The following ZNF184 variants were observed in gnomAD, a reference collection of about 807,000 sequenced individuals.
ZNF184 encodes the protein zinc finger protein 184 (Kruppel-like).
In ZNF184, 16 loss-of-function variants were observed where a neutral mutation model predicts 54.4. The observed-to-expected ratio is 0.29, with a 90% CI of 0.20 to 0.45. The LOEUF is 0.45. Ranked by LOEUF, ZNF184 falls within the 20% of genes least tolerant of loss-of-function variation. The pLI, the probability that ZNF184 is intolerant of heterozygous loss-of-function variation, is 1.00. For missense variants in ZNF184, 681 were observed against 888.2 expected, an observed-to-expected ratio of 0.77 and a Z score of 2.97; for synonymous variants, 254 against 295.3, an observed-to-expected ratio of 0.86 and a Z score of 1.43.
chr6:27,449,152 A>G (rs988307834), downstream of ZNF184, among the ~76,000 whole-genome samples: 2 of 152,230 alleles, frequency 1.3e-5, no homozygotes, highest in African/African-American at 4.8e-5. Flanking sequence ...TTTAATATCT[A>G]TAATCTGGCA....
chr6:27,453,315 A>T lies in ZNF184; in HGVS notation c.299-55T>A. On this transcript the variant is annotated intron_variant, in intron 5 of 5. Coordinates refer to ENST00000683788, the MANE Select transcript of ZNF184 (RefSeq NM_001318891.2). This position sits in a 1 kb window ranked among gnomAD's most constrained non-coding sequence, Gnocchi z 4.7. ...CTGAATAGAGAAAAAATAAACTGCTATTGTGGGAATAATATAATGATACTG... is the reference window on the plus strand; with the variant it reads ...CTGAATAGAGAAAAAATAAACTGCTTTTGTGGGAATAATATAATGATACTG... 3 of 1,463,980 alleles carry T rather than the reference A, an allele frequency of 2.0e-6. No individual in the cohort carries two copies. The highest frequency in any genetic ancestry group is 2.7e-6 in the Non-Finnish European group (3 of 1,098,066). 90.7% of individuals were successfully genotyped at this position (1,463,980 alleles called of 1,614,324 possible).
chr6:27,459,976 AAC>A (rs1361560515), intron 3 of ZNF184, among the ~76,000 whole-genome samples: 4 of 152,152 alleles, frequency 2.6e-5, no homozygotes, highest in Admixed American at 6.5e-5. Flanking sequence ...CAGCCTGCGC[AAC>A]ACAGTGAGAC....
chr6:27,451,351 T>A lies in ZNF184; in HGVS notation c.2208A>T (p.Arg736Ser), dbSNP rs1262321827. 6.2e-7 allele frequency: 1 copy of A among 1,613,732 alleles called. No individual in the cohort carries two copies. Among genetic ancestry groups the A allele is most frequent in the Non-Finnish European group, 8.5e-7 (1 of 1,179,786 alleles). The change falls in exon 6 of 6, where the codon AGA (arginine) becomes AGT (serine). Residue 736 changes from arginine (R) to serine (S), a missense_variant. Arg to Ser is a moderately radical substitution (Grantham distance 110). Coordinates refer to ENST00000683788, the MANE Select transcript of ZNF184 (RefSeq NM_001318891.2). Reference sequence around the variant, plus strand: ...GATGTTTGTTGAGAGCAGAGCGATATCTGAAGGATTTTCCACAATCATTAC... The same window carrying A: ...GATGTTTGTTGAGAGCAGAGCGATAACTGAAGGATTTTCCACAATCATTAC... ...FGCNDCGKSFRYRSALNKHQR... is the reference protein window; with the variant it reads ...FGCNDCGKSFSYRSALNKHQR...
the ZNF184 span, among the ~76,000 whole-genome samples, chr6:27,442,901 A>G: frequency 6.6e-6 from 1 of 151,256 alleles, no homozygotes; most frequent in African/African-American, 2.4e-5. Context: ...AGAAAGAAAA[A>G]AAAAAAGAAA....
the ZNF184 span, among the ~76,000 whole-genome samples, chr6:27,411,974 G>T: frequency 0.034 from 5,251 of 152,244 alleles, 178 homozygotes; most frequent in African/African-American, 0.091. Flanking sequence ...AGGAGCCTCT[G>T]GGCACTACTC....
intron 2 of ZNF184, among the ~76,000 whole-genome samples, chr6:27,470,276 GA>G (rs926127310): frequency 6.3e-4 from 89 of 140,602 alleles, no homozygotes; most frequent in African/African-American, 2.0e-3. Context: ...AAGAAAGAAA[GA>G]AAAAAAAAAA....
chr6:27,456,288 C>T (rs746839614), intron 5 of ZNF184, among the ~76,000 whole-genome samples: 39 of 151,648 alleles, frequency 2.6e-4, no homozygotes, highest in Non-Finnish European at 5.6e-4. Context: ...AGAAGCTATA[C>T]ATGTTACTAG....
At chr6:27,415,511 G>T in the ZNF184 span, among the ~76,000 whole-genome samples, 1 of 152,156 alleles carries the variant, frequency 6.6e-6, no homozygotes, top group East Asian at 1.9e-4. Flanking sequence ...TAAGAGTTTA[G>T]TATATGAGGA....
the ZNF184 span, among the ~76,000 whole-genome samples, chr6:27,409,914 G>A: frequency 6.6e-6 from 1 of 152,078 alleles, no homozygotes; most frequent in Non-Finnish European, 1.5e-5. Flanking sequence ...CCATATATGT[G>A]TGCCATTTTA....
At chr6:27,435,574 C>T in the ZNF184 span, among the ~76,000 whole-genome samples, 5 of 152,086 alleles carry the variant, frequency 3.3e-5, no homozygotes. Flanking sequence ...TAAAATCAAG[C>T]CATCTTCAAA....
chr6:27,454,819 TACAA>T (rs769287408), intron 5 of ZNF184, among the ~76,000 whole-genome samples: 1 of 152,224 alleles, frequency 6.6e-6, no homozygotes. Flanking sequence ...CTCCCTTTAC[TACAA>T]ACAAAGTCTA....
chr6:27,414,658 G>T, the ZNF184 span, among the ~76,000 whole-genome samples: 4 of 151,698 alleles, frequency 2.6e-5, no homozygotes, highest in African/African-American at 4.8e-5. Context: ...GCTGTTTCTT[G>T]TTACCCTATT....
chr6:27,472,386 G>A lies in ZNF184; in HGVS notation c.-92C>T. 1.3e-6 allele frequency: 2 copies of A among 1,538,124 alleles called. No homozygotes were observed. The highest frequency in any genetic ancestry group is 2.3e-5 in the East Asian group (1 of 43,966). On this transcript the variant is annotated 5_prime_UTR_variant, in exon 2 of 6. Transcript: ENST00000683788. This position sits in a 1 kb window ranked among gnomAD's most constrained non-coding sequence, Gnocchi z 4.8. ...TGGTATCTCGGTCTAGGACTCAGATGTCTAACTCCCCTTGCAGGGAATCTG... is the reference window on the plus strand; with the variant it reads ...TGGTATCTCGGTCTAGGACTCAGATATCTAACTCCCCTTGCAGGGAATCTG...
At chr6:27,442,815 A>AAAGAAAGAAAG in the ZNF184 span, among the ~76,000 whole-genome samples, 2 of 11,428 alleles carry the variant, frequency 1.8e-4, no homozygotes, top group Non-Finnish European at 3.6e-4. Context: ...AAAGAAAGAG[A>AAAGAAAGAAAG]AAGAAAGAAA....
At chr6:27,438,778 T>C in the ZNF184 span, among the ~76,000 whole-genome samples, 229 of 152,332 alleles carry the variant, frequency 1.5e-3, no homozygotes, top group African/African-American at 5.2e-3. Flanking sequence ...AATATAATGT[T>C]AGTTATTTTT....
chr6:27,464,747 T>C (rs1047383264), intron 3 of ZNF184, among the ~76,000 whole-genome samples: 4 of 152,036 alleles, frequency 2.6e-5, no homozygotes, highest in Non-Finnish European at 5.9e-5. Flanking sequence ...CCGGGCACAG[T>C]GGTTCATGCC....
the ZNF184 span, chr6:27,405,922 T>G: frequency 2.0e-5 from 3 of 152,154 alleles, no homozygotes; most frequent in Non-Finnish European, 2.9e-5. Context: ...CATGCACATC[T>G]AGTTTAAATG....
the ZNF184 span, among the ~76,000 whole-genome samples, chr6:27,423,962 T>C: frequency 6.6e-6 from 1 of 152,330 alleles, no homozygotes; most frequent in African/African-American, 2.4e-5. Context: ...TAAAATTATT[T>C]TATTAGTTGT....
At chr6:27,442,880 A>AAGAAAGAAAGAAAGAAAAGAAAG in the ZNF184 span, among the ~76,000 whole-genome samples, 1 of 86,174 alleles carries the variant, frequency 1.2e-5, no homozygotes, top group Admixed American at 1.2e-4. Flanking sequence ...GAAAGAAAGA[A>AAGAAAGAAAGAAAGAAAAGAAAG]AAAGAAAAAA....
Sources: gnomAD v4.1 joint callset for allele counts (sites outside exome capture counted in the v4.1 genomes callset) on GRCh38, gnomAD v4.1.1 for gene constraint, Gnocchi (gnomAD v3.1) non-coding constraint, MANE v1.5 for transcripts, NCBI Gene and HGNC (gene_info 2026-07-23, HGNC 2026-07-21) for gene names.